Variants in CNTN5 observed in about 807,000 individuals in gnomAD.
CNTN5 encodes the protein contactin-5.
In CNTN5, 77 loss-of-function variants were observed where a neutral mutation model predicts 129.1. The observed-to-expected ratio is 0.60, with a 90% confidence interval of 0.50 to 0.72. The LOEUF is 0.72. CNTN5 is among the 30% of genes least tolerant of loss of function. The probability of loss-of-function intolerance (pLI) is 0.00; values close to 1 mark genes in which losing one functional copy is unlikely to be tolerated. For missense variants in CNTN5, 1,478 were observed against 1,328.8 expected (o/e 1.11, Z -1.75); for synonymous variants, 509 against 465.6 (o/e 1.09, Z -1.20).
intron 3 of CNTN5, among the ~76,000 whole-genome samples, chr11:99,651,941 T>C (rs1443128810): frequency 6.6e-6 from 1 of 152,100 alleles, no homozygotes; most frequent in Non-Finnish European, 1.5e-5. Flanking sequence ...ATTTACTGAC[T>C]ACATTAGTTT....
At chr11:99,631,463 A>G (rs1951346901) in intron 3 of CNTN5, among the ~76,000 whole-genome samples, 1 of 152,022 alleles carries the variant, frequency 6.6e-6, no homozygotes, top group Admixed American at 6.6e-5. Context: ...TTATAAAAAC[A>G]TTATTGAAAA....
intron 2 of CNTN5, among the ~76,000 whole-genome samples, chr11:99,437,897 T>G (rs371992770): frequency 6.6e-6 from 1 of 152,138 alleles, no homozygotes; most frequent in South Asian, 2.1e-4. Context: ...ACTTCCCAAA[T>G]TTTCACCACC....
At chr11:99,710,516 A>G (rs1954930885) in intron 3 of CNTN5, among the ~76,000 whole-genome samples, 1 of 151,114 alleles carries the variant, frequency 6.6e-6, no homozygotes. Flanking sequence ...TGCAAGGGGC[A>G]TGGCCCCTAC....
At chr11:99,714,692 C>G (rs578076079) in intron 3 of CNTN5, among the ~76,000 whole-genome samples, 1 of 151,838 alleles carries the variant, frequency 6.6e-6, no homozygotes, top group Admixed American at 6.6e-5. Context: ...CAAGGAATAA[C>G]GAGGTTCAAG....
At position 99,891,370 on chromosome 11, in the gene CNTN5, G is replaced by A. The variant is rs560644398; in HGVS notation, c.578-24684G>A. Among the ~76,000 whole-genome samples, 48 of 152,080 alleles carry A rather than the reference G, an allele frequency of 3.2e-4. 1 individual carries two copies. The South Asian group carries it at 9.8e-3, about 31-fold the overall frequency. ...TTATATTTTAAGTTCTGGGGCACTA[G>A]TTCAGAACGTGCAGATTTGTTACAT... On this transcript the variant is annotated intron_variant, in intron 6 of 24. Coordinates refer to ENST00000524871, the MANE Select transcript of CNTN5 (RefSeq NM_014361.4).
chr11:100,343,626 G>C (rs997826194), intron 23 of CNTN5, among the ~76,000 whole-genome samples: 16 of 152,078 alleles, frequency 1.1e-4, no homozygotes, highest in African/African-American at 3.9e-4. Flanking sequence ...AAACTAAAGA[G>C]CTATAACCCA....
At chr11:99,824,186 T>G (rs1946884057) in intron 4 of CNTN5, among the ~76,000 whole-genome samples, 1 of 152,046 alleles carries the variant, frequency 6.6e-6, no homozygotes, top group South Asian at 2.1e-4. Flanking sequence ...ATAAAAGCAT[T>G]GTAACATTTC....
At chr11:99,360,732 T>G (rs928245088) in intron 2 of CNTN5, among the ~76,000 whole-genome samples, 1 of 152,186 alleles carries the variant, frequency 6.6e-6, no homozygotes, top group Admixed American at 6.5e-5. Context: ...AGCATCAGGC[T>G]TCCACACAAG....
intron 18 of CNTN5, among the ~76,000 whole-genome samples, chr11:100,272,724 G>C (rs2138788085): frequency 6.6e-6 from 1 of 152,266 alleles, no homozygotes; most frequent in Middle Eastern, 3.4e-3. Flanking sequence ...CGGGGCTACA[G>C]CACACCCGGA....
At chr11:99,378,880 A>G (rs1449785218) in intron 2 of CNTN5, among the ~76,000 whole-genome samples, 1 of 152,146 alleles carries the variant, frequency 6.6e-6, no homozygotes, top group African/African-American at 2.4e-5. Context: ...TTAGATAAGA[A>G]TATGGCAATG....
intron 6 of CNTN5, among the ~76,000 whole-genome samples, chr11:99,849,856 A>G (rs543779158): frequency 2.6e-5 from 4 of 152,246 alleles, no homozygotes; most frequent in African/African-American, 9.6e-5. Context: ...ATCTTTCCCT[A>G]TTCCAGTATA....
At chr11:100,259,859 A>G (rs1031768141) in intron 17 of CNTN5, among the ~76,000 whole-genome samples, 110 of 152,128 alleles carry the variant, frequency 7.2e-4, no homozygotes, top group African/African-American at 1.9e-3. Context: ...ATCTAAATTC[A>G]ACACCATAAA....
chr11:99,532,355 A>G (rs1947743954), intron 2 of CNTN5, among the ~76,000 whole-genome samples: 1 of 152,038 alleles, frequency 6.6e-6, no homozygotes, highest in African/African-American at 2.4e-5. Context: ...CTTGCTTTTG[A>G]TTTTACAGTC....
chr11:100,309,658 T>C, intron 21 of CNTN5: 1 of 984,398 alleles, frequency 1.0e-6, no homozygotes, highest in Non-Finnish European at 1.2e-6. Flanking sequence ...ATAATATATA[T>C]ATTTGGCCCA....
At chr11:100,085,818 G>A (rs1178657152) in intron 13 of CNTN5, among the ~76,000 whole-genome samples, 3 of 151,980 alleles carry the variant, frequency 2.0e-5, no homozygotes, top group Admixed American at 2.0e-4. Flanking sequence ...CCTGTTCTCA[G>A]TCTACTGTAC....
chr11:100,098,583 T>A (rs1449238636), intron 13 of CNTN5, among the ~76,000 whole-genome samples: 1 of 152,074 alleles, frequency 6.6e-6, no homozygotes, highest in Non-Finnish European at 1.5e-5. Flanking sequence ...GATTAGTGTA[T>A]CTTGGTACCC....
intron 1 of CNTN5, among the ~76,000 whole-genome samples, chr11:99,127,787 AG>A (rs1368175982): frequency 2.0e-5 from 3 of 152,244 alleles, no homozygotes; most frequent in Admixed American, 2.0e-4. Flanking sequence ...CTTGACCTTT[AG>A]GGCTGTGTGA....
At chr11:99,103,764 CAA>C (rs35274552) in intron 1 of CNTN5, among the ~76,000 whole-genome samples, 8 of 128,600 alleles carry the variant, frequency 6.2e-5, no homozygotes, top group Non-Finnish European at 8.3e-5. Context: ...AGGTGTCCTT[CAA>C]AAAAAAAAAA....
At chr11:100,078,214 G>A (rs1372962960) in intron 13 of CNTN5, among the ~76,000 whole-genome samples, 7 of 151,984 alleles carry the variant, frequency 4.6e-5, no homozygotes, top group Admixed American at 4.6e-4. Context: ...TCAAAACACA[G>A]TATTTTTTAT....
Sources: allele counts gnomAD v4.1 joint callset (sites outside exome capture counted in the v4.1 genomes callset), GRCh38; gene constraint gnomAD v4.1.1; transcripts MANE v1.5; gene names NCBI Gene and HGNC (gene_info 2026-07-23, HGNC 2026-07-21).